Variants in PCNT observed in about 807,000 individuals in gnomAD.
The protein encoded by PCNT is pericentrin, also known as kendrin.
In PCNT, 319 loss-of-function variants were observed where a neutral mutation model predicts 380.4. The ratio of observed to expected loss-of-function variants is 0.84; its 90% CI spans 0.77 to 0.92. The LOEUF is 0.92. Among genes scored for constraint, PCNT ranks in the 40% least tolerant of loss-of-function variants. The pLI is 0.00. For missense variants in PCNT, 4,400 were observed against 4,255.3 expected (o/e 1.03, Z -0.95); for synonymous variants, 1,845 against 1,735.2 (o/e 1.06, Z -1.57).
intron 1 of PCNT, 48 bp downstream of exon 1, chr21:46,324,330 A>C: frequency 6.7e-7 from 1 of 1,500,030 alleles, no homozygotes; most frequent in Non-Finnish European, 9.2e-7. Flanking sequence ...TGAAGTCCTA[A>C]GGGCGGCTCC....
At chr21:46,353,354 A>G (rs1464815922) in intron 10 of PCNT, 28 bp downstream of exon 10, 1 of 1,582,186 alleles carries the variant, frequency 6.3e-7, no homozygotes, top group Non-Finnish European at 8.7e-7. Flanking sequence ...AGCCTCAGTG[A>G]GTTTCTGCCA....
chr21:46,399,906 AC>A (rs775501434), intron 25 of PCNT, 110 bp downstream of exon 25: 53 of 895,780 alleles, frequency 5.9e-5, no homozygotes, highest in Non-Finnish European at 9.7e-5. Context: ...ACTGGCAGCC[AC>A]CACGTCTGCA....
chr21:46,362,526 A>T (rs1306035135), intron 13 of PCNT, among the ~76,000 whole-genome samples: 1 of 152,196 alleles, frequency 6.6e-6, no homozygotes, highest in Non-Finnish European at 1.5e-5. Context: ...GTAGCACCCT[A>T]AACTTTAATA....
chr21:46,338,963 G>A (rs930461725), intron 3 of PCNT, among the ~76,000 whole-genome samples: 1 of 152,108 alleles, frequency 6.6e-6, no homozygotes, highest in African/African-American at 2.4e-5. Flanking sequence ...TGTATTTCTA[G>A]TAGAGACGGG....
At chr21:46,415,937 A>T (rs1388445391) in intron 29 of PCNT, 132 bp from the exon 30 acceptor site, 1 of 783,356 alleles carries the variant, frequency 1.3e-6, no homozygotes, top group African/African-American at 1.8e-5. Context: ...AATAAACTTG[A>T]AATGTGCAGG....
At chr21:46,353,066 C>G (rs1327912987) in intron 9 of PCNT, 38 bp from the exon 10 acceptor site, 1 of 1,553,510 alleles carries the variant, frequency 6.4e-7, no homozygotes, top group Non-Finnish European at 8.9e-7. Context: ...TGTGGGTGTC[C>G]CATTTTAAGA....
intron 13 of PCNT, among the ~76,000 whole-genome samples, chr21:46,358,926 G>C (rs532423863): frequency 1.4e-4 from 21 of 150,816 alleles, no homozygotes; most frequent in Admixed American, 7.9e-4. Context: ...TCAGCCTCCC[G>C]AGTAGCTGGG....
rs778250018 is a variant in PCNT at position 46,428,618 on chromosome 21, G to A, written c.7690+28G>A. 7 of 1,565,390 alleles carry A rather than the reference G, an allele frequency of 4.5e-6. 1 individual carries two copies. The highest frequency in any genetic ancestry group is 1.7e-6 in the Non-Finnish European group (2 of 1,161,486). ...GGGTGTCACTGTCTACACTGCCTGG[G>A]GCCCGGCCTCTGCACCTGCCCGCCC... On this transcript the variant is annotated intron_variant, in intron 35 of 46. Coordinates refer to ENST00000359568, the MANE Select transcript of PCNT (RefSeq NM_006031.6).
intron 3 of PCNT, among the ~76,000 whole-genome samples, chr21:46,336,494 C>T (rs576576555): frequency 3.9e-5 from 6 of 152,270 alleles, no homozygotes; most frequent in African/African-American, 7.2e-5. Context: ...CAGCTCTGTC[C>T]GTGGGGAGCC....
intron 21 of PCNT, among the ~76,000 whole-genome samples, chr21:46,395,859 C>G (rs1349249079): frequency 1.3e-5 from 2 of 151,424 alleles, no homozygotes; most frequent in African/African-American, 4.9e-5. Context: ...AGCAGAGACT[C>G]CATCTCAGAA....
chr21:46,414,582 C>T lies in PCNT; in HGVS notation c.6151-1487C>T, dbSNP rs2086938746. 2.0e-5 allele frequency among the ~76,000 whole-genome samples: 3 copies of T among 148,878 alleles called. No individual in the cohort carries two copies. In the South Asian group the frequency reaches 6.5e-4, roughly 32 times the overall value. On this transcript the variant is annotated intron_variant, in intron 29 of 46. Transcript: ENST00000359568. The stretch of plus-strand genomic sequence containing the variant: ...AGCCGCCCACCCTCCTCCTCCTGGA[C>T]ACGCAGCCGCCCACCCTGCTCCTCC...
intron 3 of PCNT, among the ~76,000 whole-genome samples, chr21:46,337,965 C>A (rs546770227): frequency 1.1e-4 from 16 of 152,160 alleles, no homozygotes; most frequent in African/African-American, 3.9e-4. Flanking sequence ...CCTTGAACTC[C>A]TAGGCTTAGG....
intron 27 of PCNT, 30 bp from the exon 28 acceptor site, chr21:46,411,159 A>T (rs1569267756): frequency 6.2e-7 from 1 of 1,610,146 alleles, no homozygotes; most frequent in South Asian, 1.1e-5. Flanking sequence ...GATACATTTA[A>T]TTTGCCTCTG....
At chr21:46,348,810 G>A (rs1270310724) in intron 6 of PCNT, among the ~76,000 whole-genome samples, 1 of 151,714 alleles carries the variant, frequency 6.6e-6, no homozygotes, top group Non-Finnish European at 1.5e-5. Context: ...TGTAGAGATG[G>A]GGTCTCACTA....
chr21:46,356,714 C>T (rs1057488399), intron 12 of PCNT, among the ~76,000 whole-genome samples: 5 of 152,192 alleles, frequency 3.3e-5, no homozygotes, highest in East Asian at 1.9e-4. Context: ...CTGGGCGGGT[C>T]GTGTGGCTGT....
At chr21:46,327,095 C>T (rs1301520008) in intron 2 of PCNT, among the ~76,000 whole-genome samples, 1 of 151,414 alleles carries the variant, frequency 6.6e-6, no homozygotes, top group African/African-American at 2.4e-5. Context: ...GATTCTCGCT[C>T]TGTCTCCCAG....
intron 2 of PCNT, among the ~76,000 whole-genome samples, chr21:46,332,259 A>G (rs2083583405): frequency 6.6e-6 from 1 of 152,238 alleles, no homozygotes; most frequent in African/African-American, 2.4e-5. Flanking sequence ...GTGCTATAGA[A>G]GGCTTAAGAA....
intron 2 of PCNT, among the ~76,000 whole-genome samples, chr21:46,328,559 C>G (rs1456169046): frequency 6.6e-6 from 1 of 152,146 alleles, no homozygotes; most frequent in African/African-American, 2.4e-5. Flanking sequence ...CTCCTGGGTT[C>G]AAGCGATTTT....
intron 15 of PCNT, 55 bp downstream of exon 15, chr21:46,367,194 G>A (rs1439334871): frequency 2.7e-6 from 4 of 1,470,084 alleles, no homozygotes; most frequent in Non-Finnish European, 2.8e-6. Flanking sequence ...CGCTGCCTGT[G>A]TGTTTCCACC....
Sources: allele counts gnomAD v4.1 joint callset (sites outside exome capture counted in the v4.1 genomes callset), GRCh38; gene constraint gnomAD v4.1.1; transcripts MANE v1.5; gene names NCBI Gene and HGNC (gene_info 2026-07-23, HGNC 2026-07-21).